The following VPS54 variants were observed in gnomAD, a reference collection of about 807,000 sequenced individuals.
The protein encoded by VPS54 is vacuolar protein sorting-associated protein 54.
A neutral mutation model predicts 121.5 loss-of-function variants in VPS54; 45 were observed. The observed-to-expected ratio is 0.37, with a 90% confidence interval of 0.29 to 0.47. The LOEUF is 0.47. Among genes scored for constraint, VPS54 ranks in the 20% least tolerant of loss-of-function variants. The probability of loss-of-function intolerance (pLI) is 0.99; values close to 1 mark genes in which losing one functional copy is unlikely to be tolerated. For missense variants in VPS54, 1,090 were observed against 1,131.4 expected, an observed-to-expected ratio of 0.96 and a Z score of 0.52; for synonymous variants, 371 against 385.8, an observed-to-expected ratio of 0.96 and a Z score of 0.45.
chr2:63,960,595 T>C (rs892327483), intron 7 of VPS54, among the ~76,000 whole-genome samples: 8 of 152,196 alleles, frequency 5.3e-5, no homozygotes, highest in Non-Finnish European at 5.9e-5. Context: ...CTCAGCTCTG[T>C]ACTATCTATG....
At chr2:63,972,309 G>A in intron 3 of VPS54, 65 bp from the exon 4 acceptor site, 3 of 1,263,578 alleles carry the variant, frequency 2.4e-6, no homozygotes, top group Non-Finnish European at 3.3e-6. Context: ...GCATGAAAGT[G>A]TTTTGCAACA....
intron 2 of VPS54, among the ~76,000 whole-genome samples, chr2:63,983,093 T>C (rs1331328493): frequency 6.6e-6 from 1 of 152,090 alleles, no homozygotes; most frequent in Non-Finnish European, 1.5e-5. Context: ...TTTCAGTTTA[T>C]ATAAGTAATG....
intron 1 of VPS54, among the ~76,000 whole-genome samples, chr2:64,014,170 A>C (rs1185340780): frequency 1.3e-5 from 2 of 152,220 alleles, no homozygotes; most frequent in African/African-American, 2.4e-5. Context: ...CTCACATCTG[A>C]AGAATAATTA....
chr2:63,904,327 TACTC>T (rs1410651870), intron 20 of VPS54, among the ~76,000 whole-genome samples: 1 of 150,004 alleles, frequency 6.7e-6, no homozygotes, highest in Non-Finnish European at 1.5e-5. Flanking sequence ...TAATCCCACT[TACTC>T]AGGAGGCTGA....
At position 64,016,401 on chromosome 2, in the gene VPS54, G is replaced by C. The variant is rs368962016; in HGVS notation, c.-21+2537C>G. On this transcript the variant is annotated intron_variant, in intron 1 of 22. Transcript: ENST00000272322. ...GGAAAAGCTTTTCAAGAAGCTATGAGCCAAGAAGCATTATATGAAAGGCCC... is the reference window on the plus strand; with the variant it reads ...GGAAAAGCTTTTCAAGAAGCTATGACCCAAGAAGCATTATATGAAAGGCCC... 3.7e-4 allele frequency among the ~76,000 whole-genome samples: 56 copies of C among 152,192 alleles called. 1 individual carries two copies. In the East Asian group the frequency reaches 0.01, roughly 28 times the overall value.
intron 20 of VPS54, among the ~76,000 whole-genome samples, chr2:63,904,438 CAAAAAAAAAAAA>C (rs58651830): frequency 1.5e-4 from 3 of 19,922 alleles, no homozygotes; most frequent in Admixed American, 9.6e-4. Context: ...GACTTGGTCT[CAAAAAAAAAAAA>C]AAAAAAAAAA....
At chr2:63,973,395 C>T (rs990917035) in intron 3 of VPS54, among the ~76,000 whole-genome samples, 5 of 152,098 alleles carry the variant, frequency 3.3e-5, no homozygotes, top group African/African-American at 9.7e-5. Context: ...AAATTTATCA[C>T]GTAAAATTAT....
intron 1 of VPS54, among the ~76,000 whole-genome samples, chr2:64,001,673 G>C (rs1677887916): frequency 6.6e-6 from 1 of 152,044 alleles, no homozygotes; most frequent in Non-Finnish European, 1.5e-5. Flanking sequence ...CCAGGAGCTA[G>C]GGCTTAGAAT....
chr2:63,917,439 G>C (rs1249638681), intron 15 of VPS54, among the ~76,000 whole-genome samples: 2 of 151,942 alleles, frequency 1.3e-5, no homozygotes, highest in Non-Finnish European at 2.9e-5. Flanking sequence ...AAATTTGATG[G>C]AAAGATTATA....
Position 64,019,418 on chromosome 2 carries a change from G to A in VPS54, c.-501C>T, listed in dbSNP as rs1295014673. 6.0e-5 allele frequency among the ~76,000 whole-genome samples: 9 copies of A among 151,120 alleles called. No individual in the cohort carries two copies. The highest frequency in any genetic ancestry group is 6.6e-5 in the Admixed American group (1 of 15,168). On this transcript the variant is annotated 5_prime_UTR_variant, in exon 1 of 23. Transcript: ENST00000272322. ...GCGCCGGAGGCCGCCGCAGCCCCCAGCCCACAATCCACCGCGCGGCTCCGC... is the reference window on the plus strand; with the variant it reads ...GCGCCGGAGGCCGCCGCAGCCCCCAACCCACAATCCACCGCGCGGCTCCGC...
At chr2:63,987,313 G>A (rs914950457) in intron 1 of VPS54, among the ~76,000 whole-genome samples, 6 of 152,168 alleles carry the variant, frequency 3.9e-5, no homozygotes, top group African/African-American at 1.4e-4. Flanking sequence ...TTATTGAAGA[G>A]ACTGTCCTTT....
chr2:63,917,189 G>T (rs1453493422), intron 15 of VPS54, among the ~76,000 whole-genome samples: 1 of 151,888 alleles, frequency 6.6e-6, no homozygotes, highest in Non-Finnish European at 1.5e-5. Flanking sequence ...ATGACTTTGG[G>T]GCAATTATTT....
Position 63,933,682 on chromosome 2 carries a change from A to G in VPS54, c.1730T>C (p.Val577Ala), listed in dbSNP as rs2104485416. The change falls in exon 12 of 23, where the codon GTG becomes GCG. Residue 577 changes from valine (V) to alanine (A), a missense_variant. Coordinates refer to ENST00000272322, the MANE Select transcript of VPS54 (RefSeq NM_016516.3). ...HTSSSAIPGG[V>A]DIMVSEDMKL... is the part of the protein sequence containing the mutation. ...TAGCCACTATACTCACATAATATCC[A>G]CACCTCCTGGAATAGCAGATGATGA... 1 of 1,611,650 alleles carries G rather than the reference A, an allele frequency of 6.2e-7. No homozygotes were observed.
At chr2:63,958,190 C>A (rs1292388458) in intron 7 of VPS54, among the ~76,000 whole-genome samples, 1 of 151,982 alleles carries the variant, frequency 6.6e-6, no homozygotes, top group Non-Finnish European at 1.5e-5. Flanking sequence ...AAAACACAAA[C>A]CATGACAAAA....
chr2:63,974,907 T>C (rs1676454009), intron 3 of VPS54: 2 of 1,401,626 alleles, frequency 1.4e-6, no homozygotes, highest in Admixed American at 2.4e-5. Flanking sequence ...TTTTTATATA[T>C]TTTATTTCCT....
chr2:63,966,522 C>G (rs1676011089), intron 5 of VPS54, among the ~76,000 whole-genome samples: 1 of 152,208 alleles, frequency 6.6e-6, no homozygotes, highest in South Asian at 2.1e-4. Flanking sequence ...TACCTTGAAT[C>G]TCTGCTTTCC....
At chr2:63,972,037 C>T (rs1268675372) in intron 4 of VPS54, 129 bp downstream of exon 4, 11 of 464,974 alleles carry the variant, frequency 2.4e-5, no homozygotes, top group Non-Finnish European at 3.7e-5. Flanking sequence ...ATATTATAAT[C>T]ATAGGTTATA....
intron 1 of VPS54, among the ~76,000 whole-genome samples, chr2:64,011,290 G>C (rs559644214): frequency 6.6e-6 from 1 of 152,128 alleles, no homozygotes; most frequent in African/African-American, 2.4e-5. Flanking sequence ...AGGGGAGGCC[G>C]GGCACGGTGG....
chr2:64,001,970 C>A (rs532751130), intron 1 of VPS54, among the ~76,000 whole-genome samples: 1 of 152,148 alleles, frequency 6.6e-6, no homozygotes, highest in Non-Finnish European at 1.5e-5. Flanking sequence ...TTATTTAGGA[C>A]CCCGGCACAC....
Sources: gnomAD v4.1 joint callset for allele counts (sites outside exome capture counted in the v4.1 genomes callset) on GRCh38, gnomAD v4.1.1 for gene constraint, MANE v1.5 for transcripts, NCBI Gene and HGNC (gene_info 2026-07-23, HGNC 2026-07-21) for gene names.